The following DPP6 variants were observed in gnomAD, a reference collection of about 807,000 sequenced individuals.
The protein encoded by DPP6 is A-type potassium channel modulatory protein DPP6.
Under a neutral mutation model 122.6 loss-of-function variants are expected in DPP6, and 69 were observed. The ratio of observed to expected loss-of-function variants is 0.56; its 90% CI spans 0.46 to 0.69. The LOEUF (loss-of-function observed/expected upper bound fraction) is 0.69, where lower values mean the gene tolerates loss of function less well. DPP6 is among the 30% of genes least tolerant of loss of function. The pLI is 0.00. For missense variants in DPP6, 928 were observed against 1,116.9 expected (o/e 0.83, Z 2.41); for synonymous variants, 418 against 433.1 (o/e 0.97, Z 0.43).
rs1467724755 is a variant in DPP6, at chr7:154,760,997, G to A, written c.884-8420G>A. Among the ~76,000 whole-genome samples, 1 of 151,996 alleles carries A rather than the reference G, an allele frequency of 6.6e-6. No individual in the cohort carries two copies. On this transcript the variant is annotated intron_variant, in intron 8 of 25. Transcript: ENST00000377770. The surrounding 1 kb of genome is among the most constrained non-coding windows in gnomAD (Gnocchi z 4.5). Reference sequence around the variant, plus strand: ...CTACAGGCGCCTGCCACCATGCCCGGCTAATTTTTGTATTTTTAGTAGAGA... The same window carrying A: ...CTACAGGCGCCTGCCACCATGCCCGACTAATTTTTGTATTTTTAGTAGAGA...
At chr7:154,523,145 A>AT (rs765865751) in intron 3 of DPP6, among the ~76,000 whole-genome samples, 17 of 152,208 alleles carry the variant, frequency 1.1e-4, no homozygotes, top group Admixed American at 1.0e-3. Context: ...TTTCTGCTCC[A>AT]TTTTTTATGA....
At chr7:154,524,321 T>C (rs980462543) in intron 3 of DPP6, among the ~76,000 whole-genome samples, 1 of 152,228 alleles carries the variant, frequency 6.6e-6, no homozygotes, top group Admixed American at 6.5e-5. Context: ...ACTTTGACCA[T>C]GGAGAGCCCC....
At chr7:153,798,467 C>G in the DPP6 span, among the ~76,000 whole-genome samples, 1 of 152,208 alleles carries the variant, frequency 6.6e-6, no homozygotes, top group African/African-American at 2.4e-5. Flanking sequence ...CTCTGAGATT[C>G]ATTCAACCTA....
the DPP6 span, among the ~76,000 whole-genome samples, chr7:153,833,673 C>G: frequency 1.2e-4 from 17 of 139,528 alleles, no homozygotes; most frequent in African/African-American, 4.2e-4. Context: ...GACTCTGTCT[C>G]AAAAAAAAAA....
intron 1 of DPP6, among the ~76,000 whole-genome samples, chr7:154,160,301 G>A (rs1796914281): frequency 6.6e-6 from 1 of 152,076 alleles, no homozygotes; most frequent in Admixed American, 6.5e-5. Context: ...AGTCCTCAAG[G>A]ATAAACACTA....
At chr7:154,269,743 G>T (rs969000885) in intron 1 of DPP6, among the ~76,000 whole-genome samples, 32 of 152,088 alleles carry the variant, frequency 2.1e-4, no homozygotes, top group African/African-American at 7.2e-4. Flanking sequence ...AGATTTTTGT[G>T]ACAAGCTTAG....
chr7:154,487,550 C>T (rs1199462469), intron 3 of DPP6, among the ~76,000 whole-genome samples: 3 of 152,194 alleles, frequency 2.0e-5, no homozygotes, highest in South Asian at 2.1e-4. Flanking sequence ...ACTTTAGTTC[C>T]GTTCCAATTA....
chr7:154,426,808 T>TA (rs34741334), intron 1 of DPP6, among the ~76,000 whole-genome samples: 4,723 of 109,436 alleles, frequency 0.043, 183 homozygotes, highest in African/African-American at 0.1. Context: ...TACTCTGCCT[T>TA]AAAAAAAAAA....
At chr7:154,331,722 A>G (rs547955823) in intron 1 of DPP6, among the ~76,000 whole-genome samples, 2 of 152,280 alleles carry the variant, frequency 1.3e-5, no homozygotes, top group African/African-American at 4.8e-5. Context: ...GTGTCACTAT[A>G]TGGTCATCCA....
At position 154,265,788 on chromosome 7, in the gene DPP6, A is replaced by T. The variant is rs193116358; in HGVS notation, c.244-180426A>T. ...ATTGTATTTCTTTTTAAAAAAATAT[A>T]CAAGTGAGTATTCTCTCAAACCTTA... On this transcript the variant is annotated intron_variant, in intron 1 of 25. Coordinates refer to ENST00000377770, the MANE Select transcript of DPP6 (RefSeq NM_130797.4). Among the ~76,000 whole-genome samples, 324 of 152,338 alleles carry T rather than the reference A, an allele frequency of 2.1e-3. 2 individuals are homozygous for T. The highest frequency in any genetic ancestry group is 7.4e-3 in the African/African-American group (308 of 41,588).
At chr7:154,824,912 G>A (rs1329331290) in intron 16 of DPP6, among the ~76,000 whole-genome samples, 1 of 152,208 alleles carries the variant, frequency 6.6e-6, no homozygotes, top group Non-Finnish European at 1.5e-5. Context: ...AGGAACCGTT[G>A]TGACTCAGCT....
intron 1 of DPP6, among the ~76,000 whole-genome samples, chr7:154,431,677 G>T (rs1471550729): frequency 6.6e-6 from 1 of 151,570 alleles, no homozygotes; most frequent in Admixed American, 6.6e-5. Flanking sequence ...TGGGATGACA[G>T]GTGCATGCCA....
At chr7:154,436,780 C>T (rs1348204653) in intron 1 of DPP6, among the ~76,000 whole-genome samples, 1 of 152,192 alleles carries the variant, frequency 6.6e-6, no homozygotes, top group East Asian at 1.9e-4. Flanking sequence ...CTTCTCTCTC[C>T]CCGTTGAGTT....
intron 1 of DPP6, among the ~76,000 whole-genome samples, chr7:154,401,916 C>T (rs563992621): frequency 6.6e-6 from 1 of 152,148 alleles, no homozygotes; most frequent in Non-Finnish European, 1.5e-5. Context: ...AAACAAACAA[C>T]CCCATCAAAA....
chr7:154,453,158 G>A lies in DPP6; in HGVS notation c.358+6830G>A, dbSNP rs190889291. ...GGGGGTCGGAAACTCCAGCAGGATC[G>A]GATTTGCATGAAAACATCCCTGACA... On this transcript the variant is annotated intron_variant, in intron 2 of 25. Coordinates refer to ENST00000377770, the MANE Select transcript of DPP6 (RefSeq NM_130797.4). Among the ~76,000 whole-genome samples the A allele has an allele frequency of 4.6e-5, 7 of 152,252 alleles. No homozygotes were observed. In the South Asian group the frequency reaches 8.3e-4, roughly 18 times the overall value.
At chr7:154,761,752 G>A (rs1452733044) in intron 8 of DPP6, among the ~76,000 whole-genome samples, 4 of 151,952 alleles carry the variant, frequency 2.6e-5, no homozygotes, top group Non-Finnish European at 5.9e-5. Context: ...AAGTTCTAGG[G>A]TTTGTTACAT....
At chr7:154,586,025 G>A (rs77568638) in intron 5 of DPP6, among the ~76,000 whole-genome samples, 1,570 of 152,202 alleles carry the variant, frequency 0.01, 36 homozygotes, top group African/African-American at 0.035. Context: ...GCACAGTGAG[G>A]GCAGGAGAGG....
At chr7:153,965,960 C>T (rs76447653) in intron 1 of DPP6, among the ~76,000 whole-genome samples, 217 of 151,376 alleles carry the variant, frequency 1.4e-3, no homozygotes, top group African/African-American at 2.6e-3. Context: ...GATGAAGTTC[C>T]CTACAGAGAA....
chr7:154,297,895 C>T (rs1214184767), intron 1 of DPP6, among the ~76,000 whole-genome samples: 1 of 152,132 alleles, frequency 6.6e-6, no homozygotes, highest in African/African-American at 2.4e-5. Context: ...CGAGCTTTTC[C>T]AGTTGCTGCC....
Sources: gnomAD v4.1 joint callset for allele counts (sites outside exome capture counted in the v4.1 genomes callset) on GRCh38, gnomAD v4.1.1 for gene constraint, Gnocchi (gnomAD v3.1) non-coding constraint, MANE v1.5 for transcripts, NCBI Gene and HGNC (gene_info 2026-07-23, HGNC 2026-07-21) for gene names.